The following FILIP1 variants were observed in gnomAD, a reference collection of about 807,000 sequenced individuals.
FILIP1 encodes filamin A interacting protein 1.
A neutral mutation model predicts 102.1 loss-of-function variants in FILIP1; 61 were observed. That is an observed-to-expected ratio of 0.60 (90% CI 0.49 to 0.74). The LOEUF (loss-of-function observed/expected upper bound fraction) is 0.74. Among genes scored for constraint, FILIP1 ranks in the 30% least tolerant of loss-of-function variants. The probability of loss-of-function intolerance (pLI) is 0.00; values close to 1 mark genes in which losing one functional copy is unlikely to be tolerated. For missense variants in FILIP1, 1,314 were observed against 1,441.2 expected, an observed-to-expected ratio of 0.91 and a Z score of 1.43; for synonymous variants, 491 against 526.9, an observed-to-expected ratio of 0.93 and a Z score of 0.93.
downstream of FILIP1, among the ~76,000 whole-genome samples, chr6:75,306,760 T>C (rs1027762728): frequency 2.0e-5 from 3 of 151,860 alleles, no homozygotes; most frequent in Admixed American, 2.0e-4. Flanking sequence ...TTTTTTCCTT[T>C]TTTATTTTTT....
intron 1 of FILIP1, among the ~76,000 whole-genome samples, chr6:75,429,790 C>T (rs1306242442): frequency 6.6e-6 from 1 of 152,160 alleles, no homozygotes; most frequent in Non-Finnish European, 1.5e-5. Flanking sequence ...AAATATGATA[C>T]TGATCTTTTA....
At chr6:75,319,569 G>A (rs1451644641) in intron 4 of FILIP1, 9 of 514,654 alleles carry the variant, frequency 1.7e-5, no homozygotes, top group East Asian at 4.8e-5. Context: ...GGTGGCTCAC[G>A]CCTGTAATCC....
intron 2 of FILIP1, 136 bp from the exon 3 acceptor site, chr6:75,363,053 C>T (rs1274460059): frequency 3.7e-6 from 3 of 802,722 alleles, no homozygotes; most frequent in Non-Finnish European, 1.9e-6. Flanking sequence ...GTATTCTGCT[C>T]TAATTTTTTT....
intron 4 of FILIP1, among the ~76,000 whole-genome samples, chr6:75,345,818 G>A (rs968653838): frequency 3.9e-5 from 6 of 152,042 alleles, no homozygotes; most frequent in African/African-American, 1.2e-4. Context: ...CCACCCACAT[G>A]TGTCCATGTC....
intron 1 of FILIP1, among the ~76,000 whole-genome samples, chr6:75,465,962 A>G (rs1779152090): frequency 6.6e-6 from 1 of 152,120 alleles, no homozygotes; most frequent in Non-Finnish European, 1.5e-5. Context: ...CAGCCACGCC[A>G]GCCATCGCGC....
chr6:75,411,884 G>T (rs1777083345), intron 2 of FILIP1, among the ~76,000 whole-genome samples: 1 of 152,152 alleles, frequency 6.6e-6, no homozygotes, highest in African/African-American at 2.4e-5. Flanking sequence ...GCTTAGGATT[G>T]TCTTGGCTAT....
intron 1 of FILIP1, among the ~76,000 whole-genome samples, chr6:75,469,133 T>C (rs907923375): frequency 6.6e-6 from 1 of 152,018 alleles, no homozygotes; most frequent in Non-Finnish European, 1.5e-5. Context: ...GTTGATTTTT[T>C]AAAACAACGA....
At position 75,414,842 on chromosome 6, in the gene FILIP1, C is replaced by T. The variant is rs138668133; in HGVS notation, c.131G>A (p.Arg44Lys). Reference sequence around the variant, plus strand: ...TGAGGCCATGACATCATCCTCCTTCCTATTTGATTTCTTCTTCTTTTTTGC... The same window carrying T: ...TGAGGCCATGACATCATCCTCCTTCTTATTTGATTTCTTCTTCTTTTTTGC... Reference protein sequence around the residue: ...EDAKKKKKSNRKEDDVMASGT... With the variant: ...EDAKKKKKSNKKEDDVMASGT... The change falls in exon 2 of 6, where the codon AGG becomes AAG. Residue 44 changes from arginine to lysine, a missense_variant. Physicochemically the swap from Arg to Lys is conservative, Grantham distance 26. Around this residue, in one of 3 missense-constraint regions of FILIP1, gnomAD observed 494 missense variants for 511.2 expected, o/e 0.97. Transcript: ENST00000237172. 88 of 1,613,720 alleles carry T rather than the reference C, an allele frequency of 5.5e-5. No homozygotes were observed. In the African/African-American group the frequency reaches 1.1e-3, roughly 21 times the overall value.
At chr6:75,405,971 A>G (rs1776832237) in intron 2 of FILIP1, among the ~76,000 whole-genome samples, 1 of 152,230 alleles carries the variant, frequency 6.6e-6, no homozygotes, top group Non-Finnish European at 1.5e-5. Context: ...TAGAACTCAT[A>G]TCTAACAACT....
At chr6:75,319,289 A>G in intron 4 of FILIP1, 1 of 667,526 alleles carries the variant, frequency 1.5e-6, no homozygotes, top group East Asian at 3.3e-5. Flanking sequence ...AGTTTCTTCC[A>G]GCATCACCAA....
chr6:75,372,711 AAGGAAAGAAAGAGAAAG>A (rs1487284556), intron 2 of FILIP1, among the ~76,000 whole-genome samples: 1,825 of 53,558 alleles, frequency 0.034, 134 homozygotes, highest in African/African-American at 0.094. Flanking sequence ...GAAAGAAAGA[AAGGAAAGAAAGAGAAAG>A]AGAAAGAAAG....
intron 4 of FILIP1, among the ~76,000 whole-genome samples, chr6:75,317,980 T>C (rs1011357632): frequency 6.6e-6 from 1 of 152,322 alleles, no homozygotes; most frequent in Admixed American, 6.5e-5. Flanking sequence ...TGGGATTCAA[T>C]ACCTGACCTC....
At position 75,312,811 on chromosome 6, in the gene FILIP1, A is replaced by C. The variant is rs778465988; in HGVS notation, c.3021T>G (p.Ile1007Met). 6.2e-7 allele frequency: 1 copy of C among 1,614,130 alleles called. No individual in the cohort carries two copies. The highest frequency in any genetic ancestry group is 8.5e-7 in the Non-Finnish European group (1 of 1,180,018). Residue 1007 changes from isoleucine (I) to methionine (M), a missense_variant, in exon 5 of 6, where the codon ATT becomes ATG. Ile to Met is a conservative substitution (Grantham distance 10, BLOSUM62 1). Coordinates refer to ENST00000237172, the MANE Select transcript of FILIP1 (RefSeq NM_015687.5). Reference protein sequence around the residue: ...GAFADRPTSPIQIMTVSTSAA... With the variant: ...GAFADRPTSPMQIMTVSTSAA... Reference sequence around the variant, plus strand: ...CTGATGTAGACACCGTCATTATCTGAATAGGGGATGTGGGCCTGTCTGCAA... The same window carrying C: ...CTGATGTAGACACCGTCATTATCTGCATAGGGGATGTGGGCCTGTCTGCAA...
chr6:75,385,558 T>C (rs1455250150), intron 2 of FILIP1: 1 of 152,184 alleles, frequency 6.6e-6, no homozygotes, highest in African/African-American at 2.4e-5. Context: ...GCAATGTATT[T>C]TTCTCTTACT....
chr6:75,336,088 T>G (rs74296344), intron 4 of FILIP1, among the ~76,000 whole-genome samples: 2 of 152,164 alleles, frequency 1.3e-5, no homozygotes, highest in Non-Finnish European at 2.9e-5. Context: ...TTGTTTTTTG[T>G]TGTTGTTTTG....
chr6:75,401,256 T>C (rs931218712), intron 2 of FILIP1, among the ~76,000 whole-genome samples: 1 of 151,800 alleles, frequency 6.6e-6, no homozygotes, highest in Admixed American at 6.5e-5. Context: ...TTGAGAACTA[T>C]GTCTTCCTGA....
chr6:75,467,520 A>G (rs1033553030), intron 1 of FILIP1, among the ~76,000 whole-genome samples: 4 of 152,200 alleles, frequency 2.6e-5, no homozygotes, highest in African/African-American at 9.7e-5. Context: ...AGCATACACA[A>G]CCATAAATGG....
At chr6:75,472,976 C>T (rs1281402177) in intron 1 of FILIP1, among the ~76,000 whole-genome samples, 3 of 152,150 alleles carry the variant, frequency 2.0e-5, no homozygotes, top group African/African-American at 7.2e-5. Flanking sequence ...TTTTACTTTT[C>T]TCTTCTCATC....
intron 2 of FILIP1, among the ~76,000 whole-genome samples, chr6:75,371,831 A>C (rs1775530425): frequency 6.6e-6 from 1 of 152,250 alleles, no homozygotes; most frequent in East Asian, 1.9e-4. Context: ...AATTAATAAA[A>C]ATGTAAGAGC....
Sources: allele counts gnomAD v4.1 joint callset (sites outside exome capture counted in the v4.1 genomes callset), GRCh38; gene constraint gnomAD v4.1.1; regional missense constraint gnomAD v4.1.1; transcripts MANE v1.5; gene names NCBI Gene and HGNC (gene_info 2026-07-23, HGNC 2026-07-21).